Variants in HMG20A observed in about 807,000 individuals in gnomAD.
The protein encoded by HMG20A is high mobility group 20A, also known as high mobility group protein 20A.
Under a neutral mutation model 43.9 loss-of-function variants are expected in HMG20A, and 17 were observed. The observed-to-expected ratio is 0.39, with a 90% CI of 0.27 to 0.58. The LOEUF (loss-of-function observed/expected upper bound fraction) is 0.58, where lower values mean the gene tolerates loss of function less well. Ranked by LOEUF, HMG20A falls within the 20% of genes least tolerant of loss-of-function variation. The pLI is 0.59. For missense variants in HMG20A, 341 were observed against 438.2 expected, an observed-to-expected ratio of 0.78 and a Z score of 1.98; for synonymous variants, 132 against 147.5, an observed-to-expected ratio of 0.89 and a Z score of 0.76.
At chr15:77,421,149 G>A in intron 1 of HMG20A, 145 bp downstream of exon 1, 1 of 380,580 alleles carries the variant, frequency 2.6e-6, no homozygotes, top group Admixed American at 4.5e-5. Context: ...CCGGTTGGGG[G>A]AGGGGAGGAA....
At chr15:77,428,978 G>T (rs975901876) in intron 1 of HMG20A, among the ~76,000 whole-genome samples, 106 of 147,104 alleles carry the variant, frequency 7.2e-4, no homozygotes, top group Non-Finnish European at 1.0e-3. Context: ...AAAAAAAAAA[G>T]GAGGGGGGAG....
intron 7 of HMG20A, 38 bp from the exon 8 acceptor site, chr15:77,478,257 C>T: frequency 6.2e-7 from 1 of 1,602,792 alleles, no homozygotes; most frequent in South Asian, 1.1e-5. Flanking sequence ...GAGACTCCTT[C>T]TAGTGCTGCA....
At chr15:77,436,661 G>C (rs1421930998) in intron 1 of HMG20A, among the ~76,000 whole-genome samples, 1 of 151,894 alleles carries the variant, frequency 6.6e-6, no homozygotes, top group African/African-American at 2.4e-5. Context: ...ATCTCACCAT[G>C]TTGGCCAGGC....
At chr15:77,501,055 G>A in the HMG20A span, among the ~76,000 whole-genome samples, 1 of 152,072 alleles carries the variant, frequency 6.6e-6, no homozygotes, top group African/African-American at 2.4e-5. Context: ...CACTTGTTAC[G>A]TATGCCTATT....
intron 1 of HMG20A, among the ~76,000 whole-genome samples, chr15:77,456,131 CCTTT>C (rs1351784863): frequency 6.6e-6 from 1 of 152,082 alleles, no homozygotes; most frequent in Non-Finnish European, 1.5e-5. Context: ...CTCTGAACTT[CCTTT>C]GTTTATATGA....
At chr15:77,464,123 T>G in intron 2 of HMG20A, 117 bp from the exon 3 acceptor site, 3 of 1,122,510 alleles carry the variant, frequency 2.7e-6, no homozygotes, top group Non-Finnish European at 3.8e-6. Flanking sequence ...TTTATACAGA[T>G]TATTGGGGGA....
At chr15:77,421,863 A>G (rs1469246816) in intron 1 of HMG20A, among the ~76,000 whole-genome samples, 2 of 152,226 alleles carry the variant, frequency 1.3e-5, no homozygotes, top group African/African-American at 2.4e-5. Context: ...GTATTTTATT[A>G]CATTTTCCTC....
rs565003537 is a variant in HMG20A, at chr15:77,423,617, G to A, written c.-5+2613G>A. On this transcript the variant is annotated intron_variant, in intron 1 of 9. Transcript: ENST00000336216. Reference sequence around the variant, plus strand: ...ACAGTCATTGGATACACTGCTCACAGCAGTTTGAAATATTAAAACCGTAGG... The same window carrying A: ...ACAGTCATTGGATACACTGCTCACAACAGTTTGAAATATTAAAACCGTAGG... Among the ~76,000 whole-genome samples the A allele has an allele frequency of 3.3e-5, 5 of 152,206 alleles. No homozygotes were observed. In the East Asian group the frequency reaches 9.6e-4, roughly 29 times the overall value.
chr15:77,480,455 T>A (rs995674870), intron 9 of HMG20A, among the ~76,000 whole-genome samples: 1 of 150,182 alleles, frequency 6.7e-6, no homozygotes, highest in Non-Finnish European at 1.5e-5. Flanking sequence ...TAAAAAAAAA[T>A]GAAAAAAATT....
the HMG20A span, among the ~76,000 whole-genome samples, chr15:77,513,162 A>C: frequency 6.6e-6 from 1 of 152,246 alleles, no homozygotes; most frequent in Non-Finnish European, 1.5e-5. Context: ...CATTATTGGG[A>C]TAATAATGAA....
chr15:77,490,471 G>A (rs1240117414), downstream of HMG20A, among the ~76,000 whole-genome samples: 2 of 152,110 alleles, frequency 1.3e-5, no homozygotes, highest in Non-Finnish European at 2.9e-5. Flanking sequence ...TAGTTTGGGA[G>A]TATAATGGAC....
chr15:77,420,947 C>G lies in HMG20A; in HGVS notation c.-62C>G. The G allele has an allele frequency of 5.0e-6, 2 of 398,692 alleles. No homozygotes were observed. Among genetic ancestry groups the G allele is most frequent in the African/African-American group, 2.1e-5 (1 of 48,766 alleles). 24.7% of individuals were successfully genotyped at this position (398,692 alleles called of 1,614,324 possible). ...ATTGAGAGGGGCTGAGGGAATTGTC[C>G]TCTGTGGAAGGGACTTTCTTTTGGC... is the stretch of plus-strand genomic sequence containing the variant. On this transcript the variant is annotated 5_prime_UTR_variant, in exon 1 of 10. Transcript: ENST00000336216.
Position 77,467,172 on chromosome 15 carries a change from C to A in HMG20A, c.315C>A (p.Ser105=). 1 of 1,614,024 alleles carries A rather than the reference C, an allele frequency of 6.2e-7. No homozygotes were observed. The highest frequency in any genetic ancestry group is 8.5e-7 in the Non-Finnish European group (1 of 1,179,986). ...TTCGAGACAGCAATGCACCCAAATC[C>A]CCCCTTACAGGATATGTTCGGTTCA... is the stretch of plus-strand genomic sequence containing the variant. ...KPLRDSNAPK[S]PLTGYVRFMN... Residue 105 remains serine (S), a synonymous_variant, in exon 4 of 10, where the codon TCC becomes TCA. Transcript: ENST00000336216.
chr15:77,476,903 G>C (rs1193226740), intron 6 of HMG20A, among the ~76,000 whole-genome samples: 1 of 151,716 alleles, frequency 6.6e-6, no homozygotes, highest in Admixed American at 6.6e-5. Context: ...TTATTCTTTT[G>C]TATCTCACAT....
chr15:77,494,726 T>G, the HMG20A span, among the ~76,000 whole-genome samples: 2 of 152,136 alleles, frequency 1.3e-5, no homozygotes, highest in African/African-American at 4.8e-5. Flanking sequence ...AAAGCAATAG[T>G]TCAGACCAAA....
the HMG20A span, among the ~76,000 whole-genome samples, chr15:77,506,056 A>T: frequency 7.3e-6 from 1 of 136,244 alleles, no homozygotes; most frequent in South Asian, 2.4e-4. Flanking sequence ...CCCCCCACCT[A>T]GGGTTGGTAG....
At chr15:77,468,894 A>G (rs1273326204) in intron 4 of HMG20A, among the ~76,000 whole-genome samples, 2 of 152,158 alleles carry the variant, frequency 1.3e-5, no homozygotes, top group Non-Finnish European at 2.9e-5. Context: ...TGTGTTTAGT[A>G]GTCAAGTTTC....
At chr15:77,437,603 C>T (rs1406239735) in intron 1 of HMG20A, among the ~76,000 whole-genome samples, 1 of 152,196 alleles carries the variant, frequency 6.6e-6, no homozygotes, top group African/African-American at 2.4e-5. Flanking sequence ...CGGAGTTTCA[C>T]TCTTGTTGCC....
the HMG20A span, among the ~76,000 whole-genome samples, chr15:77,503,300 C>G: frequency 6.6e-6 from 1 of 152,158 alleles, no homozygotes; most frequent in African/African-American, 2.4e-5. Flanking sequence ...TCAAAACCAT[C>G]AGTTTTGCTA....
Sources: gnomAD v4.1 joint callset for allele counts (sites outside exome capture counted in the v4.1 genomes callset) on GRCh38, gnomAD v4.1.1 for gene constraint, MANE v1.5 for transcripts, NCBI Gene and HGNC (gene_info 2026-07-23, HGNC 2026-07-21) for gene names.